Variants in CAMK2D observed in about 807,000 individuals in gnomAD.
CAMK2D encodes calcium/calmodulin dependent protein kinase II delta, also known as calcium/calmodulin-dependent protein kinase type II subunit delta.
Under a neutral mutation model 84.0 loss-of-function variants are expected in CAMK2D, and 37 were observed. The observed-to-expected ratio is 0.44, with a 90% CI of 0.34 to 0.58. CAMK2D has a LOEUF of 0.58. Ranked by LOEUF, CAMK2D falls within the 20% of genes least tolerant of loss-of-function variation. The pLI is 0.02. For missense variants in CAMK2D, 448 were observed against 652.5 expected (o/e 0.69, Z 3.41); for synonymous variants, 202 against 212.5 (o/e 0.95, Z 0.43).
intron 2 of CAMK2D, among the ~76,000 whole-genome samples, chr4:113,698,489 G>C (rs534719718): frequency 6.6e-6 from 1 of 152,086 alleles, no homozygotes; most frequent in East Asian, 1.9e-4. Flanking sequence ...GCAGTGTCTG[G>C]TCCATTGTAA....
Position 113,457,509 on chromosome 4 carries a change from T to C in CAMK2D, c.1361A>G (p.His454Arg), listed in dbSNP as rs1262058128. ...GCAGGCGGCATCATCCCCTACCAGA[T>C]GTACATGAGGGTTTAGAATAATAGT... is the stretch of plus-strand genomic sequence containing the variant. ...IHTIILNPHVHLVGDDAACIA... is the reference protein window; with the variant it reads ...IHTIILNPHVRLVGDDAACIA... The change falls in exon 19 of 21, where the codon CAT (histidine) becomes CGT (arginine). Residue 454 changes from histidine to arginine, a missense_variant. Physicochemically the swap from His to Arg is conservative, Grantham distance 29 (BLOSUM62 0). Coordinates refer to ENST00000511664, the MANE Select transcript of CAMK2D (RefSeq NM_001321571.2). The C allele has an allele frequency of 1.2e-6, 2 of 1,613,356 alleles. No homozygotes were observed. The highest frequency in any genetic ancestry group is 2.2e-5 in the East Asian group (1 of 44,890).
At chr4:113,641,701 G>T (rs2099132863) in intron 3 of CAMK2D, among the ~76,000 whole-genome samples, 1 of 152,118 alleles carries the variant, frequency 6.6e-6, no homozygotes. Flanking sequence ...AATCACCTGG[G>T]TGCTTGATTT....
chr4:113,513,370 C>A lies in CAMK2D; in HGVS notation c.904G>T (p.Gly302Cys). 6.2e-7 allele frequency: 1 copy of A among 1,609,414 alleles called. No individual in the cohort carries two copies. The highest frequency in any genetic ancestry group is 8.5e-7 in the Non-Finnish European group (1 of 1,175,854). The change falls in exon 12 of 21, where the codon GGT becomes TGT. Residue 302 changes from glycine (G) to cysteine (C), a missense_variant and splice_region_variant. Coordinates refer to ENST00000511664, the MANE Select transcript of CAMK2D (RefSeq NM_001321571.2). Reference protein sequence around the residue: ...KKFNARRKLKGAILTTMLATR... With the variant: ...KKFNARRKLKCAILTTMLATR... The stretch of plus-strand genomic sequence containing the variant: ...GCCAGCATAGTTGTCAAGATGGCAC[C>A]CTGTGAAAAAAATTAGAACACAAAA...
At chr4:113,503,361 C>T in intron 14 of CAMK2D, 1 of 498,404 alleles carries the variant, frequency 2.0e-6, no homozygotes, top group South Asian at 1.5e-5. Flanking sequence ...GGAGCTAAAA[C>T]TCTGAGATGA....
At chr4:113,477,282 T>G (rs1325764163) in intron 16 of CAMK2D, among the ~76,000 whole-genome samples, 3 of 152,226 alleles carry the variant, frequency 2.0e-5, no homozygotes, top group African/African-American at 7.2e-5. Flanking sequence ...AAGCTTACTT[T>G]GGGAAGTTAA....
chr4:113,576,811 C>T (rs77972247), intron 4 of CAMK2D, among the ~76,000 whole-genome samples: 12,498 of 152,076 alleles, frequency 0.082, 697 homozygotes, highest in Non-Finnish European at 0.13. Context: ...TGACATCCTG[C>T]CTTCAACAAA....
intron 9 of CAMK2D, among the ~76,000 whole-genome samples, chr4:113,516,155 A>G (rs2098280927): frequency 6.6e-6 from 1 of 152,174 alleles, no homozygotes; most frequent in South Asian, 2.1e-4. Flanking sequence ...AAAATGGGGA[A>G]CTTGTGACTC....
At chr4:113,544,023 C>T (rs916037244) in intron 6 of CAMK2D, among the ~76,000 whole-genome samples, 2 of 152,080 alleles carry the variant, frequency 1.3e-5, no homozygotes, top group East Asian at 1.9e-4. Context: ...GATCTCCTGA[C>T]CTCATGATCC....
intron 6 of CAMK2D, among the ~76,000 whole-genome samples, chr4:113,547,380 C>T (rs1362717140): frequency 6.6e-6 from 1 of 152,146 alleles, no homozygotes; most frequent in East Asian, 1.9e-4. Flanking sequence ...CTATATCCAT[C>T]CTTACAAGGA....
At chr4:113,479,687 T>C (rs2097675193) in intron 16 of CAMK2D, among the ~76,000 whole-genome samples, 1 of 152,246 alleles carries the variant, frequency 6.6e-6, no homozygotes, top group Admixed American at 6.5e-5. Flanking sequence ...TTTGGGTATT[T>C]ATGCACATAG....
chr4:113,593,157 A>G (rs2098901039), intron 4 of CAMK2D, among the ~76,000 whole-genome samples: 1 of 152,190 alleles, frequency 6.6e-6, no homozygotes, highest in Non-Finnish European at 1.5e-5. Flanking sequence ...CCCAGCCTAA[A>G]TTTAACATTT....
At chr4:113,611,936 A>C (rs1051497501) in intron 3 of CAMK2D, among the ~76,000 whole-genome samples, 3 of 152,182 alleles carry the variant, frequency 2.0e-5, no homozygotes, top group African/African-American at 7.2e-5. Context: ...TCACATATTC[A>C]GCATCATATT....
intron 3 of CAMK2D, among the ~76,000 whole-genome samples, chr4:113,650,517 C>CAAAA (rs34938947): frequency 1.2e-5 from 1 of 86,926 alleles, no homozygotes; most frequent in African/African-American, 3.2e-5. Context: ...AACTCCATCT[C>CAAAA]AAAAAAAAAA....
chr4:113,613,045 TTTAA>T (rs1359357559), intron 3 of CAMK2D, among the ~76,000 whole-genome samples: 1 of 152,166 alleles, frequency 6.6e-6, no homozygotes, highest in Non-Finnish European at 1.5e-5. Context: ...TCTGAGAAAT[TTTAA>T]TTAAATATGA....
At chr4:113,640,259 C>T (rs1489751508) in intron 3 of CAMK2D, among the ~76,000 whole-genome samples, 3 of 151,642 alleles carry the variant, frequency 2.0e-5, no homozygotes, top group Non-Finnish European at 4.4e-5. Context: ...TGGAGAGAAA[C>T]GTTAAAACCT....
At chr4:113,631,481 C>T (rs2099089433) in intron 3 of CAMK2D, among the ~76,000 whole-genome samples, 1 of 152,180 alleles carries the variant, frequency 6.6e-6, no homozygotes, top group African/African-American at 2.4e-5. Flanking sequence ...AATGAACATT[C>T]GCCCTTTAAC....
intron 3 of CAMK2D, among the ~76,000 whole-genome samples, chr4:113,620,268 G>A (rs1233573191): frequency 6.6e-6 from 1 of 152,068 alleles, no homozygotes; most frequent in Non-Finnish European, 1.5e-5. Context: ...TGCAGATAAA[G>A]CAGCTCACTC....
intron 13 of CAMK2D, among the ~76,000 whole-genome samples, chr4:113,506,487 A>G (rs2098129291): frequency 6.6e-6 from 1 of 152,198 alleles, no homozygotes; most frequent in African/African-American, 2.4e-5. Flanking sequence ...CACAGAATTT[A>G]ACATGATATT....
intron 2 of CAMK2D, among the ~76,000 whole-genome samples, chr4:113,699,121 G>A: frequency 6.6e-6 from 1 of 152,076 alleles, no homozygotes; most frequent in East Asian, 1.9e-4. Flanking sequence ...TACTGGCAAA[G>A]GCAGCTAAAA....
Sources: gnomAD v4.1 joint callset for allele counts (sites outside exome capture counted in the v4.1 genomes callset) on GRCh38, gnomAD v4.1.1 for gene constraint, MANE v1.5 for transcripts, NCBI Gene and HGNC (gene_info 2026-07-23, HGNC 2026-07-21) for gene names.